Variants in QKI observed in about 807,000 individuals in gnomAD.
The protein encoded by QKI is QKI, KH domain containing RNA binding.
Under a neutral mutation model 39.0 loss-of-function variants are expected in QKI, and 10 were observed. The ratio of observed to expected loss-of-function variants is 0.26; its 90% CI spans 0.16 to 0.43. QKI has a LOEUF of 0.43. Among genes scored for constraint, QKI ranks in the 20% least tolerant of loss-of-function variants. The pLI is 1.00. For missense variants in QKI, 218 were observed against 428.0 expected (o/e 0.51, Z 4.33); for synonymous variants, 204 against 155.4 (o/e 1.31, Z -2.33).
At chr6:163,510,766 A>G (rs920601398) in intron 3 of QKI, among the ~76,000 whole-genome samples, 4 of 152,206 alleles carry the variant, frequency 2.6e-5, no homozygotes, top group African/African-American at 9.6e-5. Context: ...CATATCAATC[A>G]TAAGTGTATA....
chr6:163,433,197 T>C lies in QKI; in HGVS notation c.142+17862T>C, dbSNP rs546053068. Among the ~76,000 whole-genome samples, 9 of 152,316 alleles carry C rather than the reference T, an allele frequency of 5.9e-5. No individual in the cohort carries two copies. In the South Asian group the frequency reaches 1.9e-3, roughly 32 times the overall value. On this transcript the variant is annotated intron_variant, in intron 1 of 7. Transcript: ENST00000361752. ...AATGGCATAGGATATATCATAGTGA[T>C]GTTGTTTAGGTACATGGTAACTGCA...
intron 3 of QKI, among the ~76,000 whole-genome samples, chr6:163,510,906 TTTA>T (rs1779412010): frequency 1.3e-5 from 2 of 152,180 alleles, no homozygotes; most frequent in Non-Finnish European, 2.9e-5. Flanking sequence ...AGATTTGAAA[TTTA>T]TTATTAGCCA....
intron 3 of QKI, among the ~76,000 whole-genome samples, chr6:163,480,605 T>C (rs913975463): frequency 2.6e-5 from 4 of 152,216 alleles, no homozygotes; most frequent in African/African-American, 9.6e-5. Context: ...TTTAAAGATA[T>C]GTTCATGGGA....
At chr6:163,461,365 CCTCT>C (rs1443154396) in intron 2 of QKI, among the ~76,000 whole-genome samples, 3 of 152,064 alleles carry the variant, frequency 2.0e-5, no homozygotes, top group African/African-American at 7.2e-5. Context: ...AATAATAAGG[CCTCT>C]CTGAGTTTTA....
At chr6:163,452,976 C>G (rs772432942) in intron 1 of QKI, among the ~76,000 whole-genome samples, 5 of 152,200 alleles carry the variant, frequency 3.3e-5, no homozygotes, top group Non-Finnish European at 5.9e-5. Context: ...GGTCTGCCTG[C>G]CTTGGCCTCC....
rs537560676 is a variant in QKI at position 163,570,450 on chromosome 6, T to G, written c.1010-244T>G. ...TATTTTTTCTTGTTAACCAGTTTTT[T>G]TTTTTTTTTTGTGGGAGTGGGCTCT... On this transcript the variant is annotated intron_variant, in intron 7 of 7. Transcript: ENST00000361752. The G allele has an allele frequency of 6.3e-3, 6,191 of 983,568 alleles. 16 individuals are homozygous for G. Among genetic ancestry groups the G allele is most frequent in the Non-Finnish European group, 7.0e-3 (5,835 of 828,654 alleles). 60.9% of individuals were successfully genotyped at this position (983,568 alleles called of 1,614,324 possible).
chr6:163,453,094 TG>T (rs1440934519), intron 1 of QKI, among the ~76,000 whole-genome samples: 2 of 151,898 alleles, frequency 1.3e-5, no homozygotes, highest in Admixed American at 6.6e-5. Context: ...TAGATTCTTT[TG>T]TTTTTTTTTT....
At chr6:163,485,664 G>A (rs1008090565) in intron 3 of QKI, among the ~76,000 whole-genome samples, 6 of 152,112 alleles carry the variant, frequency 3.9e-5, no homozygotes, top group African/African-American at 1.2e-4. Context: ...CTCTCCCATT[G>A]TGTTGATGGG....
At chr6:163,537,830 G>T (rs1781293203) in intron 4 of QKI, among the ~76,000 whole-genome samples, 1 of 151,868 alleles carries the variant, frequency 6.6e-6, no homozygotes, top group Non-Finnish European at 1.5e-5. Flanking sequence ...CTTCTTCTGG[G>T]GCCTCTCAAA....
chr6:163,463,637 CCATT>C (rs1361772665), intron 2 of QKI, among the ~76,000 whole-genome samples: 1 of 152,044 alleles, frequency 6.6e-6, no homozygotes, highest in African/African-American at 2.4e-5. Context: ...TAAGCTGAAA[CCATT>C]CAAAACAAAT....
At chr6:163,564,230 C>T (rs1260602443) in intron 6 of QKI, 1 of 1,029,208 alleles carries the variant, frequency 9.7e-7, no homozygotes, top group Non-Finnish European at 1.2e-6. Context: ...TCATGCATCG[C>T]TTAACAACGG....
intron 1 of QKI, chr6:163,416,225 A>G: frequency 3.0e-6 from 1 of 338,848 alleles, no homozygotes; most frequent in Non-Finnish European, 5.8e-6. Context: ...AAAGTTTCCA[A>G]AAAGCTGTAT....
chr6:163,513,385 C>G (rs1201763590), intron 3 of QKI, among the ~76,000 whole-genome samples: 1 of 151,906 alleles, frequency 6.6e-6, no homozygotes, highest in Non-Finnish European at 1.5e-5. Context: ...ATAAAATACA[C>G]AAAACAAAAA....
At chr6:163,455,878 AC>A (rs1321067387) in intron 2 of QKI, among the ~76,000 whole-genome samples, 1 of 152,082 alleles carries the variant, frequency 6.6e-6, no homozygotes, top group Non-Finnish European at 1.5e-5. Context: ...CCATTGTTGA[AC>A]TATTCTCTAT....
intron 7 of QKI, chr6:163,567,940 A>G: frequency 2.0e-6 from 2 of 985,274 alleles, no homozygotes; most frequent in Middle Eastern, 5.2e-4. Flanking sequence ...CAGAAATAAC[A>G]TGCCTTTCCC....
Position 163,553,537 on chromosome 6 carries a change from GT to G in QKI, c.547-8435del, listed in dbSNP as rs544825900. ...TAAAATAACAATCAACTTTGGAGGT[GT>G]TTTTTTTTTAATCTATAAATTGATG... On this transcript the variant is annotated intron_variant, in intron 4 of 7. Transcript: ENST00000361752. Among the ~76,000 whole-genome samples, 69 of 147,788 alleles carry G rather than the reference GT, an allele frequency of 4.7e-4. 1 individual carries two copies. The South Asian group carries it at 0.012, about 26-fold the overall frequency.
At chr6:163,455,223 G>T in intron 1 of QKI, 56 bp from the exon 2 acceptor site, 1 of 1,471,852 alleles carries the variant, frequency 6.8e-7, no homozygotes. Context: ...TTTTTCCTCT[G>T]GACTAGCAAG....
At chr6:163,521,659 A>AT (rs1368234022) in intron 3 of QKI, among the ~76,000 whole-genome samples, 1 of 151,990 alleles carries the variant, frequency 6.6e-6, no homozygotes, top group Non-Finnish European at 1.5e-5. Flanking sequence ...GGTAGCTGGG[A>AT]TTACAGGCGC....
At chr6:163,547,032 A>AT (rs11389737) in intron 4 of QKI, among the ~76,000 whole-genome samples, 6,117 of 152,210 alleles carry the variant, frequency 0.04, 131 homozygotes, top group African/African-American at 0.062. Flanking sequence ...GCCTCAGCTT[A>AT]TTTTTAGTAA....
Sources: gnomAD v4.1 joint callset for allele counts (sites outside exome capture counted in the v4.1 genomes callset) on GRCh38, gnomAD v4.1.1 for gene constraint, MANE v1.5 for transcripts, NCBI Gene and HGNC (gene_info 2026-07-23, HGNC 2026-07-21) for gene names.